The following LIMCH1 variants were observed in gnomAD, a reference collection of about 807,000 sequenced individuals.
LIMCH1 encodes the protein LIM and calponin homology domains-containing protein 1.
LIMCH1 carries 113 observed loss-of-function variants against 176.5 expected under a neutral mutation model. The observed-to-expected ratio is 0.64, with a 90% CI of 0.55 to 0.75. The LOEUF is 0.75. Among genes scored for constraint, LIMCH1 ranks in the 30% least tolerant of loss-of-function variants. The pLI, the probability that LIMCH1 is intolerant of heterozygous loss-of-function variation, is 0.00. For synonymous variants in LIMCH1, 619 were observed against 645.9 expected, an observed-to-expected ratio of 0.96 and a Z score of 0.63; for missense variants, 1,674 against 1,814.9, an observed-to-expected ratio of 0.92 and a Z score of 1.41.
Position 41,436,718 on chromosome 4 carries a change from G to A in LIMCH1, c.97-57818G>A, listed in dbSNP as rs145418610. 3.4e-4 allele frequency among the ~76,000 whole-genome samples: 52 copies of A among 152,206 alleles called. 1 individual carries two copies. The East Asian group carries it at 9.6e-3, about 28-fold the overall frequency. On this transcript the variant is annotated intron_variant, in intron 1 of 26. Transcript: ENST00000313860. ...CTTTGGTCCTTCCCAAGGAGCCTTC[G>A]TGTGTGTTTCAGTCCTTGTGGAGGA...
intron 1 of LIMCH1, among the ~76,000 whole-genome samples, chr4:41,362,696 G>C (rs2052318946): frequency 6.6e-6 from 1 of 152,156 alleles, no homozygotes; most frequent in Non-Finnish European, 1.5e-5. Flanking sequence ...CATGAATTTT[G>C]ACATATGTAT....
intron 1 of LIMCH1, among the ~76,000 whole-genome samples, chr4:41,391,714 C>A (rs552932410): frequency 6.6e-6 from 1 of 152,004 alleles, no homozygotes; most frequent in Non-Finnish European, 1.5e-5. Context: ...AACCAAGCAC[C>A]CTTCAAAAGT....
intron 4 of LIMCH1, among the ~76,000 whole-genome samples, chr4:41,609,417 T>C (rs552515691): frequency 9.2e-5 from 14 of 152,252 alleles, no homozygotes; most frequent in Admixed American, 2.0e-4. Flanking sequence ...GCTCAGTAGA[T>C]ATTTGTGGAA....
intron 1 of LIMCH1, among the ~76,000 whole-genome samples, chr4:41,559,183 C>A (rs917205980): frequency 1.3e-5 from 2 of 152,054 alleles, no homozygotes; most frequent in African/African-American, 4.8e-5. Context: ...AATAAAATAT[C>A]CTTGCTGTTT....
chr4:41,607,262 T>G (rs2090857878), intron 4 of LIMCH1, among the ~76,000 whole-genome samples: 1 of 152,248 alleles, frequency 6.6e-6, no homozygotes, highest in Non-Finnish European at 1.5e-5. Context: ...TTCTAAACAT[T>G]TATTTTCCTT....
At chr4:41,673,578 G>A (rs776512501) in intron 22 of LIMCH1, among the ~76,000 whole-genome samples, 6 of 152,112 alleles carry the variant, frequency 3.9e-5, no homozygotes, top group African/African-American at 9.7e-5. Context: ...GCTGGCCTCC[G>A]TAGACTCTGG....
chr4:41,452,596 T>C (rs1561417506), intron 1 of LIMCH1, among the ~76,000 whole-genome samples: 1 of 152,208 alleles, frequency 6.6e-6, no homozygotes. Flanking sequence ...ATCATACTTG[T>C]TTAATGCCCT....
intron 14 of LIMCH1, among the ~76,000 whole-genome samples, chr4:41,639,729 A>G (rs2093741654): frequency 1.3e-5 from 2 of 152,020 alleles, no homozygotes; most frequent in Admixed American, 1.3e-4. Context: ...TTTTATTTGC[A>G]AAATGCTAGA....
At position 41,360,903 on chromosome 4, in the gene LIMCH1, G is replaced by A. The variant is rs770846118; in HGVS notation, c.63G>A (p.Glu21=). 1.3e-6 allele frequency: 2 copies of A among 1,588,742 alleles called. No homozygotes were observed. The highest frequency in any genetic ancestry group is 2.3e-5 in the South Asian group (2 of 86,814). Residue 21 remains glutamate (E), a synonymous_variant, in exon 1 of 27, where the codon GAG becomes GAA. Coordinates refer to the LIMCH1 transcript ENST00000313860. The surrounding 1 kb of genome is among the most constrained non-coding windows in gnomAD (Gnocchi z 4.5). ...CCCTGCAGCCCGAGCCGCCCCCCGA[G>A]CCCGCCTTCTCCGAGGCGCAGAAGT...
intron 5 of LIMCH1, among the ~76,000 whole-genome samples, chr4:41,616,649 G>A (rs1019261027): frequency 1.5e-4 from 23 of 152,136 alleles, no homozygotes; most frequent in African/African-American, 5.1e-4. Flanking sequence ...TTCACAGGGA[G>A]AAGTGAAGTC....
At chr4:41,360,670 C>T (rs1580974800), upstream of LIMCH1, 13 of 332,902 alleles carry the variant, frequency 3.9e-5, no homozygotes, top group South Asian at 1.8e-3. The surrounding 1 kb of genome is among the most constrained non-coding windows in gnomAD (Gnocchi z 4.5). Context: ...GAACAGCTGC[C>T]GCGGCGTCCT....
intron 23 of LIMCH1, among the ~76,000 whole-genome samples, chr4:41,676,862 C>T (rs1459800814): frequency 6.6e-6 from 1 of 152,084 alleles, no homozygotes; most frequent in Admixed American, 6.6e-5. Context: ...TAAATAGAAA[C>T]TTTTGCTCTA....
At chr4:41,630,858 G>A (rs1388732038) in intron 9 of LIMCH1, among the ~76,000 whole-genome samples, 1 of 152,124 alleles carries the variant, frequency 6.6e-6, no homozygotes, top group Admixed American at 6.5e-5. Context: ...ATTAACGTAA[G>A]CATACCTTAT....
chr4:41,646,297 G>T lies in LIMCH1; in HGVS notation c.2411+17G>T, dbSNP rs758488666. On this transcript the variant is annotated intron_variant, in intron 16 of 31. Coordinates refer to ENST00000503057, the MANE Select transcript of LIMCH1 (RefSeq NM_001330672.2). ...TCAAGAAAAGTGAGTTCTTTCTGTTGTCGTTTTTAATGTACAATATTATCT... is the reference window on the plus strand; with the variant it reads ...TCAAGAAAAGTGAGTTCTTTCTGTTTTCGTTTTTAATGTACAATATTATCT... The T allele has an allele frequency of 3.1e-5, 50 of 1,593,876 alleles. No homozygotes were observed. The highest frequency in any genetic ancestry group is 4.0e-5 in the Non-Finnish European group (47 of 1,174,164).
chr4:41,564,129 A>T (rs2082408349), intron 1 of LIMCH1, among the ~76,000 whole-genome samples: 2 of 152,208 alleles, frequency 1.3e-5, no homozygotes, highest in South Asian at 4.1e-4. Context: ...TGTACTTTGT[A>T]TGTTATTTCA....
intron 2 of LIMCH1, among the ~76,000 whole-genome samples, chr4:41,516,009 A>G (rs969177848): frequency 3.3e-5 from 5 of 152,246 alleles, no homozygotes; most frequent in African/African-American, 1.2e-4. Flanking sequence ...ACATAGCACA[A>G]TGATGATTGC....
Position 41,673,534 on chromosome 4 carries a change from G to C in LIMCH1, c.3438+1940G>C, listed in dbSNP as rs143519864. ...AGAAAATAAAAGAAACTTGAAATAA[G>C]TAGCGCTTCAAGAGGAGATAAGCAT... On this transcript the variant is annotated intron_variant, in intron 22 of 31. Transcript: ENST00000503057. Among the ~76,000 whole-genome samples the C allele has an allele frequency of 2.1e-3, 322 of 152,286 alleles. 1 individual carries two copies. The highest frequency in any genetic ancestry group is 3.6e-3 in the Non-Finnish European group (247 of 68,018).
chr4:41,401,734 A>C (rs2058463596), intron 1 of LIMCH1, among the ~76,000 whole-genome samples: 1 of 152,124 alleles, frequency 6.6e-6, no homozygotes. Flanking sequence ...GTTCTCCTTG[A>C]AGAGGTCCTT....
At chr4:41,606,654 T>C (rs1395551100) in intron 4 of LIMCH1, among the ~76,000 whole-genome samples, 1 of 152,210 alleles carries the variant, frequency 6.6e-6, no homozygotes, top group African/African-American at 2.4e-5. Flanking sequence ...TCATGTGTAC[T>C]ACTTGCCTGA....
Sources: allele counts gnomAD v4.1 joint callset (sites outside exome capture counted in the v4.1 genomes callset), GRCh38; gene constraint gnomAD v4.1.1; non-coding constraint Gnocchi (gnomAD v3.1); transcripts MANE v1.5; gene names NCBI Gene and HGNC (gene_info 2026-07-23, HGNC 2026-07-21).